DLG2: variants seen among roughly 807,000 people sequenced by gnomAD.
DLG2 encodes discs large MAGUK scaffold protein 2.
In DLG2, 45 loss-of-function variants were observed where a neutral mutation model predicts 132.5. The observed-to-expected ratio is 0.34, with a 90% CI of 0.27 to 0.44. DLG2 has a LOEUF of 0.44. DLG2 is among the 20% of genes least tolerant of loss of function. The pLI is 1.00. For missense variants in DLG2, 1,045 were observed against 1,196.9 expected, an observed-to-expected ratio of 0.87 and a Z score of 1.87; for synonymous variants, 424 against 419.6, an observed-to-expected ratio of 1.01 and a Z score of -0.13.
intron 6 of DLG2, among the ~76,000 whole-genome samples, chr11:84,712,361 G>A (rs1252831437): frequency 1.3e-5 from 2 of 152,016 alleles, no homozygotes; most frequent in Admixed American, 1.3e-4. Flanking sequence ...TATTGTCAAG[G>A]GGGTCAAAAG....
chr11:84,676,470 G>A (rs183255431), intron 6 of DLG2, among the ~76,000 whole-genome samples: 1 of 152,154 alleles, frequency 6.6e-6, no homozygotes, highest in Admixed American at 6.6e-5. Context: ...GCACAGCTAT[G>A]ATTGGGATCT....
At chr11:83,937,389 C>T (rs981263979) in intron 14 of DLG2, among the ~76,000 whole-genome samples, 1 of 151,502 alleles carries the variant, frequency 6.6e-6, no homozygotes, top group African/African-American at 2.4e-5. Context: ...TGCCTGTAGT[C>T]CCAGCTACTC....
intron 6 of DLG2, among the ~76,000 whole-genome samples, chr11:84,571,896 CA>C (rs1030586346): frequency 5.9e-5 from 9 of 152,094 alleles, no homozygotes; most frequent in Admixed American, 2.6e-4. Flanking sequence ...TCACTTACTG[CA>C]TACTGTTTAT....
intron 4 of DLG2, among the ~76,000 whole-genome samples, chr11:85,244,931 G>A (rs569014199): frequency 1.5e-4 from 23 of 151,994 alleles, no homozygotes; most frequent in African/African-American, 4.3e-4. Context: ...TACACCTCAG[G>A]ATTCACTCCA....
chr11:84,260,400 A>G (rs566550108), intron 7 of DLG2, among the ~76,000 whole-genome samples: 35 of 152,222 alleles, frequency 2.3e-4, no homozygotes, highest in Non-Finnish European at 4.0e-4. Flanking sequence ...CTCGCCATAT[A>G]CGTACTTACA....
chr11:83,882,298 A>G (rs1198234728), intron 15 of DLG2, among the ~76,000 whole-genome samples: 2 of 152,240 alleles, frequency 1.3e-5, no homozygotes. Context: ...CAATATGTTA[A>G]CTGTTCTCAA....
At chr11:84,364,214 G>A (rs1289434667) in intron 7 of DLG2, among the ~76,000 whole-genome samples, 4 of 151,870 alleles carry the variant, frequency 2.6e-5, no homozygotes, top group Non-Finnish European at 5.9e-5. Context: ...TCTCCTTGAA[G>A]AGGTCCTTCA....
chr11:84,632,689 G>A (rs2099634106), intron 6 of DLG2, among the ~76,000 whole-genome samples: 1 of 152,164 alleles, frequency 6.6e-6, no homozygotes, highest in East Asian at 1.9e-4. Flanking sequence ...ATACGCTTAA[G>A]CCATCCCTGA....
intron 10 of DLG2, among the ~76,000 whole-genome samples, chr11:84,089,029 T>G (rs1460049992): frequency 6.6e-6 from 1 of 152,206 alleles, no homozygotes; most frequent in Admixed American, 6.5e-5. Context: ...AACAATCAGT[T>G]GGGGTACAGT....
intron 5 of DLG2, among the ~76,000 whole-genome samples, chr11:85,136,190 T>C (rs926478258): frequency 1.3e-5 from 2 of 152,226 alleles, no homozygotes; most frequent in African/African-American, 4.8e-5. Flanking sequence ...AAGAAGAGCA[T>C]TGCTCATATA....
chr11:85,444,712 G>T (rs1039336386), intron 3 of DLG2, among the ~76,000 whole-genome samples: 2 of 152,224 alleles, frequency 1.3e-5, no homozygotes, highest in African/African-American at 4.8e-5. Context: ...TGGTGGGAAG[G>T]AACACAGCAG....
At chr11:83,790,108 TGGC>T in intron 17 of DLG2, 1 of 946,016 alleles carries the variant, frequency 1.1e-6, no homozygotes, top group African/African-American at 1.7e-5. Flanking sequence ...ACCGAGACAC[TGGC>T]TTGGCCAGTC....
At chr11:84,299,468 T>C (rs2098128947) in intron 7 of DLG2, among the ~76,000 whole-genome samples, 2 of 152,184 alleles carry the variant, frequency 1.3e-5, no homozygotes, top group African/African-American at 2.4e-5. Flanking sequence ...CAATTAGTGA[T>C]TGATTAATTC....
At chr11:84,183,856 G>A (rs1051668725) in intron 8 of DLG2, among the ~76,000 whole-genome samples, 1 of 152,096 alleles carries the variant, frequency 6.6e-6, no homozygotes, top group Non-Finnish European at 1.5e-5. Flanking sequence ...ATAGTTTGCT[G>A]AGAATGACGG....
intron 6 of DLG2, among the ~76,000 whole-genome samples, chr11:84,775,883 C>A (rs2070382210): frequency 6.6e-6 from 1 of 152,070 alleles, no homozygotes. Flanking sequence ...CCCGCAGAAT[C>A]TAAAATAAAA....
At position 84,101,530 on chromosome 11, in the gene DLG2, C is replaced by CA. The variant is rs146919948; in HGVS notation, c.625-2484dup. Among the ~76,000 whole-genome samples the CA allele has an allele frequency of 2.7e-3, 405 of 151,042 alleles. 3 individuals carry two copies. Among genetic ancestry groups the CA allele is most frequent in the African/African-American group, 8.7e-3 (360 of 41,204 alleles). ...GCCTTCATGGATATTCAAAGCATAGCAAAAAAAAGCAATAATACTCTGGCA... is the reference window on the plus strand; with the variant it reads ...GCCTTCATGGATATTCAAAGCATAGCAAAAAAAAAGCAATAATACTCTGGCA... On this transcript the variant is annotated intron_variant, in intron 9 of 27. Coordinates refer to ENST00000376104, the MANE Select transcript of DLG2 (RefSeq NM_001142699.3).
intron 6 of DLG2, among the ~76,000 whole-genome samples, chr11:84,972,448 C>T (rs2054235319): frequency 6.6e-6 from 1 of 152,178 alleles, no homozygotes; most frequent in Non-Finnish European, 1.5e-5. Flanking sequence ...CAAGTTGTTT[C>T]TAAGTTTCCT....
chr11:84,950,409 C>G (rs958745994), intron 6 of DLG2, among the ~76,000 whole-genome samples: 1 of 152,094 alleles, frequency 6.6e-6, no homozygotes, highest in Admixed American at 6.5e-5. Context: ...ATAGATATAA[C>G]ACAGATCTAT....
intron 10 of DLG2, among the ~76,000 whole-genome samples, chr11:84,075,667 C>G (rs920759965): frequency 2.0e-5 from 3 of 152,110 alleles, no homozygotes; most frequent in Admixed American, 6.5e-5. Flanking sequence ...CCTGGAGGTG[C>G]TAATTTTCTA....
Sources: allele counts gnomAD v4.1 joint callset (sites outside exome capture counted in the v4.1 genomes callset), GRCh38; gene constraint gnomAD v4.1.1; transcripts MANE v1.5; gene names NCBI Gene and HGNC (gene_info 2026-07-23, HGNC 2026-07-21).